ADAMTS8: variants seen among roughly 807,000 people sequenced by gnomAD.
ADAMTS8 encodes the protein ADAM metallopeptidase with thrombospondin type 1 motif 8.
ADAMTS8 carries 50 observed loss-of-function variants against 64.4 expected under a neutral mutation model. The ratio of observed to expected loss-of-function variants is 0.78; its 90% CI spans 0.62 to 0.98. ADAMTS8 has a LOEUF of 0.98. ADAMTS8 is among the 50% of genes least tolerant of loss of function. ADAMTS8 has a pLI of 0.00. For synonymous variants in ADAMTS8, 556 were observed against 533.6 expected, an observed-to-expected ratio of 1.04 and a Z score of -0.58; for missense variants, 1,192 against 1,208.2, an observed-to-expected ratio of 0.99 and a Z score of 0.20.
intron 5 of ADAMTS8, among the ~76,000 whole-genome samples, chr11:130,412,512 C>T (rs183303130): frequency 4.6e-5 from 7 of 152,272 alleles, no homozygotes; most frequent in Non-Finnish European, 1.0e-4. Flanking sequence ...CCATGCCTGG[C>T]CCTGCTTCCC....
At position 130,414,587 on chromosome 11, in the gene ADAMTS8, C is replaced by G. The variant is rs1469464981; in HGVS notation, c.1510G>C (p.Gly504Arg). ...PWADGTPCGPGHLCSEGSCLP... is the reference protein window; with the variant it reads ...PWADGTPCGPRHLCSEGSCLP... ...CAGCTGCCTTCTGAGCAGAGGTGCCCAGGCCCGCACGGCGTGCCGTCAGCC... is the reference window on the plus strand; with the variant it reads ...CAGCTGCCTTCTGAGCAGAGGTGCCGAGGCCCGCACGGCGTGCCGTCAGCC... The change falls in exon 5 of 9, where the codon GGG (glycine) becomes CGG (arginine). Residue 504 changes from glycine to arginine, a missense_variant. Physicochemically the swap from Gly to Arg is moderately radical, Grantham distance 125. This residue lies in a region of ADAMTS8 where 741 missense variants were observed against 710.6 expected (regional missense o/e 1.04). Coordinates refer to ENST00000257359, the MANE Select transcript of ADAMTS8 (RefSeq NM_007037.6). 6.2e-7 allele frequency: 1 copy of G among 1,612,948 alleles called. No homozygotes were observed. The highest frequency in any genetic ancestry group is 8.5e-7 in the Non-Finnish European group (1 of 1,179,662).
At chr11:130,418,906 C>CCTT in intron 2 of ADAMTS8, 147 bp downstream of exon 2, 1 of 1,325,132 alleles carries the variant, frequency 7.5e-7, no homozygotes. Context: ...CTCATGACCT[C>CCTT]CTCATCATTC....
rs922731804 is a variant in ADAMTS8 at position 130,428,329 on chromosome 11, C to T, written c.-43G>A. ...CTGCGCGCAGGAGAGGGAAGAAGCC[C>T]GCCAGGCGCGGGCAGGTGCTGGCGG... On this transcript the variant is annotated 5_prime_UTR_variant, in exon 1 of 9. Coordinates refer to ENST00000257359, the MANE Select transcript of ADAMTS8 (RefSeq NM_007037.6). 7 of 1,260,366 alleles carry T rather than the reference C, an allele frequency of 5.6e-6. No individual in the cohort carries two copies. Among genetic ancestry groups the T allele is most frequent in the African/African-American group, 4.8e-5 (3 of 62,998 alleles). 78.1% of individuals were successfully genotyped at this position (1,260,366 alleles called of 1,614,324 possible).
At chr11:130,413,936 C>G (rs777823073) in intron 5 of ADAMTS8, among the ~76,000 whole-genome samples, 53 of 152,208 alleles carry the variant, frequency 3.5e-4, no homozygotes, top group Non-Finnish European at 6.6e-4. Context: ...GCACCTGCAC[C>G]AGCCCTGAGG....
chr11:130,410,406 G>A (rs1373902467), intron 6 of ADAMTS8, among the ~76,000 whole-genome samples: 7 of 152,030 alleles, frequency 4.6e-5, no homozygotes, highest in African/African-American at 1.4e-4. Flanking sequence ...ATCACTTTTC[G>A]TCCACACCTA....
intron 4 of ADAMTS8, among the ~76,000 whole-genome samples, chr11:130,415,623 T>TTTTA (rs56311542): frequency 6.9e-6 from 1 of 145,788 alleles, no homozygotes; most frequent in South Asian, 2.2e-4. Context: ...TTTTTTTTTT[T>TTTTA]AAAGAGATAG....
At chr11:130,425,653 T>G (rs1335143553) in intron 1 of ADAMTS8, among the ~76,000 whole-genome samples, 2 of 150,942 alleles carry the variant, frequency 1.3e-5, no homozygotes, top group Non-Finnish European at 2.9e-5. Context: ...CAGGCTGGAG[T>G]GCAGTGGCGC....
At chr11:130,409,758 G>C (rs7951032) in intron 6 of ADAMTS8, among the ~76,000 whole-genome samples, 132 of 152,304 alleles carry the variant, frequency 8.7e-4, no homozygotes, top group African/African-American at 2.7e-3. Flanking sequence ...GAAGTTAGAT[G>C]TGGGTTGCTT....
intron 8 of ADAMTS8, among the ~76,000 whole-genome samples, chr11:130,408,148 G>C (rs894975892): frequency 1.3e-5 from 2 of 152,102 alleles, no homozygotes; most frequent in Non-Finnish European, 2.9e-5. Flanking sequence ...AGTGTGGCTC[G>C]ATTGACTCAG....
At chr11:130,415,856 C>T (rs560625324) in intron 4 of ADAMTS8, among the ~76,000 whole-genome samples, 1 of 152,130 alleles carries the variant, frequency 6.6e-6, no homozygotes, top group African/African-American at 2.4e-5. Flanking sequence ...GTTGTAGGTT[C>T]GTCTCTCCTC....
intron 6 of ADAMTS8, among the ~76,000 whole-genome samples, chr11:130,410,894 A>G (rs1005969472): frequency 1.3e-5 from 2 of 152,204 alleles, no homozygotes; most frequent in Non-Finnish European, 2.9e-5. Context: ...AACTCTTCTC[A>G]GAAGGAATGT....
Position 130,405,320 on chromosome 11 carries a change from T to G in ADAMTS8, c.*238A>C. 2 of 1,322,376 alleles carry G rather than the reference T, an allele frequency of 1.5e-6. No individual in the cohort carries two copies. The highest frequency in any genetic ancestry group is 1.9e-6 in the Non-Finnish European group (2 of 1,040,446). 81.9% of individuals were successfully genotyped at this position (1,322,376 alleles called of 1,614,324 possible). On this transcript the variant is annotated 3_prime_UTR_variant, in exon 9 of 9. Coordinates refer to ENST00000257359, the MANE Select transcript of ADAMTS8 (RefSeq NM_007037.6). ...TTACCTTTTAACCTATGCCCTCTAC[T>G]TGAACCCGAGCAAGGTCCAGTCCAC... is the stretch of plus-strand genomic sequence containing the variant.
At chr11:130,423,809 G>C (rs1862129851) in intron 1 of ADAMTS8, among the ~76,000 whole-genome samples, 1 of 152,206 alleles carries the variant, frequency 6.6e-6, no homozygotes, top group Non-Finnish European at 1.5e-5. Flanking sequence ...GGTTCACACA[G>C]GGGACACTGA....
At chr11:130,417,171 G>T in intron 2 of ADAMTS8, 96 bp from the exon 3 acceptor site, 1 of 1,520,192 alleles carries the variant, frequency 6.6e-7, no homozygotes, top group Non-Finnish European at 9.0e-7. Context: ...GCACGTGGGA[G>T]TGGACCACTG....
In ADAMTS8 at chr11:130,416,956, G is replaced by T; in HGVS notation, c.1080C>A (p.Thr360=). The T allele has an allele frequency of 1.2e-6, 2 of 1,614,144 alleles. No individual in the cohort carries two copies. Among genetic ancestry groups the T allele is most frequent in the Non-Finnish European group, 1.7e-6 (2 of 1,180,040 alleles). Residue 360 remains threonine, a synonymous_variant, in exon 3 of 9, where the codon ACC becomes ACA. Coordinates refer to ENST00000257359, the MANE Select transcript of ADAMTS8 (RefSeq NM_007037.6). The surrounding 1 kb of genome is among the most constrained non-coding windows in gnomAD (Gnocchi z 4.8). ...IEDEGLQAAH[T]LAHELGHVLS... ...AAATCTTACCTAGTTCATGGGCCAG[G>T]GTGTGGGCCGCCTGGAGCCCCTCAT... is the stretch of plus-strand genomic sequence containing the variant.
intron 1 of ADAMTS8, among the ~76,000 whole-genome samples, chr11:130,426,863 G>C (rs1862173515): frequency 6.6e-6 from 1 of 152,230 alleles, no homozygotes; most frequent in Admixed American, 6.5e-5. Context: ...TTCCACCAAA[G>C]CTTCAGCTCC....
At chr11:130,410,375 T>C (rs1281303073) in intron 6 of ADAMTS8, among the ~76,000 whole-genome samples, 1 of 152,234 alleles carries the variant, frequency 6.6e-6, no homozygotes, top group African/African-American at 2.4e-5. Context: ...TGGCAGACTT[T>C]GGTGCATCTG....
chr11:130,422,305 G>A (rs1862110367), intron 1 of ADAMTS8, among the ~76,000 whole-genome samples: 1 of 152,132 alleles, frequency 6.6e-6, no homozygotes, highest in Non-Finnish European at 1.5e-5. Context: ...ACCCTGGCCA[G>A]TTGGGTGGGC....
Position 130,416,079 on chromosome 11 carries a change from A to C in ADAMTS8, c.1264+84T>G. The C allele has an allele frequency of 7.0e-7, 1 of 1,428,132 alleles. No homozygotes were observed. Among genetic ancestry groups the C allele is most frequent in the Non-Finnish European group, 9.3e-7 (1 of 1,077,918 alleles). The allele number at this position is 1,428,132 out of a possible 1,614,324, so 88.5% of individuals were successfully genotyped here. A position where few individuals can be genotyped will look rare whatever the true frequency, so the allele number is the denominator to read the frequency against. On this transcript the variant is annotated intron_variant, in intron 4 of 8. Coordinates refer to ENST00000257359, the MANE Select transcript of ADAMTS8 (RefSeq NM_007037.6). The surrounding 1 kb of genome is among the most constrained non-coding windows in gnomAD (Gnocchi z 4.8). ...ACTCAGCTCTAAGGGCCCTGTGAGG[A>C]GGCACAGCTGGAGGGGGTCTCTGCG...
Sources: allele counts gnomAD v4.1 joint callset (sites outside exome capture counted in the v4.1 genomes callset), GRCh38; gene constraint gnomAD v4.1.1; regional missense constraint gnomAD v4.1.1; non-coding constraint Gnocchi (gnomAD v3.1); transcripts MANE v1.5; gene names NCBI Gene and HGNC (gene_info 2026-07-23, HGNC 2026-07-21).